Variants in IGSF10 observed in about 807,000 individuals in gnomAD.
IGSF10 encodes calvaria mechanical force protein 608.
In IGSF10, 126 loss-of-function variants were observed where a neutral mutation model predicts 128.2. That is an observed-to-expected ratio of 0.98 (90% CI 0.85 to 1.14). The LOEUF is 1.14. Among genes scored for constraint, IGSF10 ranks in the 50% most tolerant of loss-of-function variants. The pLI is 0.00. For missense variants in IGSF10, 3,295 were observed against 3,149.8 expected (o/e 1.05, Z -1.10); for synonymous variants, 1,185 against 1,146.2 (o/e 1.03, Z -0.68).
intron 4 of IGSF10, 57 bp downstream of exon 4, chr3:151,456,969 T>C (rs1219838524): frequency 6.3e-7 from 1 of 1,583,506 alleles, no homozygotes; most frequent in Non-Finnish European, 8.6e-7. Flanking sequence ...TTTGAAGGTC[T>C]ATCTCACAGG....
the IGSF10 span, among the ~76,000 whole-genome samples, chr3:151,508,588 C>G: frequency 6.6e-6 from 1 of 152,088 alleles, no homozygotes; most frequent in African/African-American, 2.4e-5. Context: ...GGTTAAATGA[C>G]TATTGTTTTA....
chr3:151,481,498 G>T, the IGSF10 span, among the ~76,000 whole-genome samples: 4 of 152,264 alleles, frequency 2.6e-5, no homozygotes, highest in Non-Finnish European at 5.9e-5. Context: ...ACAGGCTAGT[G>T]CTGTACCCTA....
chr3:151,487,099 AGAAAG>A, the IGSF10 span, among the ~76,000 whole-genome samples: 2 of 151,730 alleles, frequency 1.3e-5, no homozygotes, highest in Non-Finnish European at 2.9e-5. Context: ...CTAATGAAGA[AGAAAG>A]GAAAGAAGAA....
the IGSF10 span, among the ~76,000 whole-genome samples, chr3:151,569,542 T>C: frequency 7.2e-5 from 11 of 152,128 alleles, no homozygotes; most frequent in Non-Finnish European, 1.2e-4. Context: ...GTCACACCAT[T>C]TAAGTAGGGG....
At chr3:151,509,465 T>C in the IGSF10 span, among the ~76,000 whole-genome samples, 1 of 152,158 alleles carries the variant, frequency 6.6e-6, no homozygotes, top group Non-Finnish European at 1.5e-5. Flanking sequence ...CCTTCCTGCG[T>C]CCTTAAAGAT....
At chr3:151,596,831 A>G in the IGSF10 span, among the ~76,000 whole-genome samples, 5 of 152,200 alleles carry the variant, frequency 3.3e-5, no homozygotes, top group Admixed American at 1.3e-4. Context: ...AAGCTATGAT[A>G]TGCTAGCCAA....
At chr3:151,440,466 C>T (rs185364654) in intron 7 of IGSF10, 18 of 444,300 alleles carry the variant, frequency 4.1e-5, no homozygotes, top group Non-Finnish European at 8.2e-5. Flanking sequence ...TACAAATACA[C>T]CTAAAGGAAG....
the IGSF10 span, among the ~76,000 whole-genome samples, chr3:151,539,973 G>C: frequency 6.6e-6 from 1 of 152,084 alleles, no homozygotes; most frequent in Non-Finnish European, 1.5e-5. Flanking sequence ...GCCTTAGTCC[G>C]AGCCTAAGTA....
chr3:151,573,013 T>C, the IGSF10 span, among the ~76,000 whole-genome samples: 1 of 152,232 alleles, frequency 6.6e-6, no homozygotes, highest in Non-Finnish European at 1.5e-5. Context: ...GAGCAGGTTG[T>C]TCAGTTTCCA....
rs369977164 is a variant in IGSF10 at position 151,438,037 on chromosome 3, C to G, written c.6524G>C (p.Trp2175Ser). The change falls in exon 8 of 8, where the codon TGG becomes TCG. Residue 2175 changes from tryptophan to serine, a missense_variant. Coordinates refer to ENST00000282466, the MANE Select transcript of IGSF10 (RefSeq NM_178822.5). ...AATCATGTCATTGGAAGGCAGCAAC[C>G]AAAATATTTTTGGTTTGGGATCCCC... ...VTGDPKPKIF[W>S]LLPSNDMISF... 1.9e-6 allele frequency: 3 copies of G among 1,614,124 alleles called. No homozygotes were observed. The highest frequency in any genetic ancestry group is 2.2e-5 in the East Asian group (1 of 44,878).
rs149019791 is a variant in IGSF10 at position 151,440,339 on chromosome 3, C to CT, written c.5964-1743dup. 2.7e-3 allele frequency among the ~76,000 whole-genome samples: 407 copies of CT among 152,184 alleles called. 12 individuals carry two copies. The East Asian group carries it at 0.062, about 23-fold the overall frequency. ...ACCACCACACCCAGTCATCAAGTCA[C>CT]TGTTATTCTCCAGCAAAGGTAAGTA... On this transcript the variant is annotated intron_variant, in intron 7 of 7. Coordinates refer to ENST00000282466, the MANE Select transcript of IGSF10 (RefSeq NM_178822.5).
the IGSF10 span, among the ~76,000 whole-genome samples, chr3:151,607,130 C>A: frequency 6.6e-6 from 1 of 152,030 alleles, no homozygotes; most frequent in Non-Finnish European, 1.5e-5. Flanking sequence ...TTAAAGAGAA[C>A]AAAGTTAATG....
chr3:151,435,755 A>T (rs116365309), downstream of IGSF10: 1,137 of 152,324 alleles, frequency 7.5e-3, 14 homozygotes, highest in African/African-American at 0.026. Flanking sequence ...AGCATGTAAT[A>T]TAAATTCAGT....
chr3:151,499,347 G>T, the IGSF10 span, among the ~76,000 whole-genome samples: 2 of 152,140 alleles, frequency 1.3e-5, no homozygotes, highest in East Asian at 3.8e-4. Context: ...TTTGGCATTG[G>T]CAGGGAAATT....
At chr3:151,475,611 T>TG in the IGSF10 span, among the ~76,000 whole-genome samples, 1 of 152,350 alleles carries the variant, frequency 6.6e-6, no homozygotes, top group East Asian at 1.9e-4. Flanking sequence ...CCAGTCCAGC[T>TG]GTTTCTGTAC....
the IGSF10 span, among the ~76,000 whole-genome samples, chr3:151,482,666 G>T: frequency 6.6e-6 from 1 of 152,348 alleles, no homozygotes; most frequent in South Asian, 2.1e-4. Flanking sequence ...TCCTGGATGA[G>T]ATGTGGACAT....
the IGSF10 span, among the ~76,000 whole-genome samples, chr3:151,594,518 A>G: frequency 6.6e-6 from 1 of 151,588 alleles, no homozygotes; most frequent in Non-Finnish European, 1.5e-5. Flanking sequence ...TACTTTTAGT[A>G]GAGACGGGGT....
At chr3:151,521,338 T>C in the IGSF10 span, among the ~76,000 whole-genome samples, 2 of 152,008 alleles carry the variant, frequency 1.3e-5, no homozygotes, top group Admixed American at 1.3e-4. Flanking sequence ...ATGCAGGACC[T>C]GAACTCAACA....
chr3:151,581,394 T>A, the IGSF10 span, among the ~76,000 whole-genome samples: 4 of 152,180 alleles, frequency 2.6e-5, no homozygotes, highest in East Asian at 1.9e-4. Flanking sequence ...AGTTTTTTTT[T>A]AAACTCTGTA....
Sources: gnomAD v4.1 joint callset for allele counts (sites outside exome capture counted in the v4.1 genomes callset) on GRCh38, gnomAD v4.1.1 for gene constraint, MANE v1.5 for transcripts, NCBI Gene and HGNC (gene_info 2026-07-23, HGNC 2026-07-21) for gene names.